Variants in SLC34A2 observed in about 807,000 individuals in gnomAD.
SLC34A2 encodes solute carrier family 34 member 2, also known as sodium-dependent phosphate transport protein 2B.
A neutral mutation model predicts 50.8 loss-of-function variants in SLC34A2; 41 were observed. That is an observed-to-expected ratio of 0.81 (90% confidence interval 0.63 to 1.05). The LOEUF is 1.05. Ranked by LOEUF, SLC34A2 falls within the 50% of genes least tolerant of loss-of-function variation. The pLI is 0.00. For synonymous variants in SLC34A2, 401 were observed against 364.2 expected, an observed-to-expected ratio of 1.10 and a Z score of -1.15; for missense variants, 879 against 876.7, an observed-to-expected ratio of 1.00 and a Z score of -0.03.
At chr4:25,664,757 G>A (rs1263455293) in intron 4 of SLC34A2, 18 of 287,138 alleles carry the variant, frequency 6.3e-5, no homozygotes, top group Middle Eastern at 1.1e-3. Flanking sequence ...GGAGGAATCT[G>A]CATCCATTGT....
chr4:25,678,714 A>C lies in SLC34A2; in HGVS notation c.*1965A>C. On this transcript the variant is annotated 3_prime_UTR_variant, in exon 13 of 13. Coordinates refer to ENST00000382051, the MANE Select transcript of SLC34A2 (RefSeq NM_006424.3). ...TTTTTTTTTTTTTTTTTTACTGGTT[A>C]TGGGAAGGGAGAAATAAAATCATCA... 7.8e-6 allele frequency: 3 copies of C among 384,862 alleles called. No individual in the cohort carries two copies. The highest frequency in any genetic ancestry group is 1.4e-5 in the Non-Finnish European group (3 of 213,554). 23.8% of individuals were successfully genotyped at this position (384,862 alleles called of 1,614,324 possible).
chr4:25,671,226 A>G (rs1305970859), intron 8 of SLC34A2, among the ~76,000 whole-genome samples: 1 of 152,160 alleles, frequency 6.6e-6, no homozygotes, highest in Non-Finnish European at 1.5e-5. Flanking sequence ...TTTCCAGAGT[A>G]TTCCCCCTGC....
Position 25,676,962 on chromosome 4 carries a change from T to G in SLC34A2, c.*213T>G, listed in dbSNP as rs925230663. ...AACCCCTGGTCACTCAGTAATCTTT[T>G]ACTCCAGGAAGGCACAGGATGGTAC... On this transcript the variant is annotated 3_prime_UTR_variant, in exon 13 of 13. Transcript: ENST00000382051. 1.1e-5 allele frequency: 7 copies of G among 623,502 alleles called. No homozygotes were observed. Among genetic ancestry groups the G allele is most frequent in the Non-Finnish European group, 2.0e-5 (7 of 354,540 alleles). 38.6% of individuals were successfully genotyped at this position (623,502 alleles called of 1,614,324 possible). A position where few individuals can be genotyped will look rare whatever the true frequency, so the allele number is the denominator to read the frequency against.
intron 10 of SLC34A2, among the ~76,000 whole-genome samples, chr4:25,673,673 GACT>G (rs1336233023): frequency 6.6e-6 from 1 of 152,190 alleles, no homozygotes; most frequent in Non-Finnish European, 1.5e-5. Flanking sequence ...TGGCCAATGA[GACT>G]GCTGGCTAAG....
At position 25,673,190 on chromosome 4, in the gene SLC34A2, C is replaced by T. The variant is rs1437476426; in HGVS notation, c.1152C>T (p.Val384=). The T allele has an allele frequency of 2.5e-6, 4 of 1,614,136 alleles. No individual in the cohort carries two copies. The Admixed American group carries it at 6.7e-5, about 27-fold the overall frequency. The change falls in exon 10 of 13, where the codon GTC becomes GTT. Residue 384 remains valine (V), a synonymous_variant. Coordinates refer to ENST00000382051, the MANE Select transcript of SLC34A2 (RefSeq NM_006424.3). ...TCTGTGGTTGCCTGATCATGATTGTCAAGATCCTGGGCTCTGTGCTCAAGG... is the reference window on the plus strand; with the variant it reads ...TCTGTGGTTGCCTGATCATGATTGTTAAGATCCTGGGCTCTGTGCTCAAGG... ...LVLCGCLIMI[V]KILGSVLKGQ... is the part of the protein sequence containing the mutation.
At position 25,672,101 on chromosome 4, in the gene SLC34A2, G is replaced by A. The variant is rs12172980; in HGVS notation, c.1048+380G>A. 4.2e-4 allele frequency among the ~76,000 whole-genome samples: 64 copies of A among 152,278 alleles called. No individual in the cohort carries two copies. The East Asian group carries it at 0.011, about 26-fold the overall frequency. ...ATAATCCCAGCACTTTGGGGAGGCC[G>A]AGATGGGCTGGTCACTTGAAGCCAG... On this transcript the variant is annotated intron_variant, in intron 9 of 12. Coordinates refer to ENST00000382051, the MANE Select transcript of SLC34A2 (RefSeq NM_006424.3).
chr4:25,659,839 C>G (rs932615101), intron 1 of SLC34A2, among the ~76,000 whole-genome samples: 1 of 152,112 alleles, frequency 6.6e-6, no homozygotes, highest in Non-Finnish European at 1.5e-5. Flanking sequence ...AAATAATTTT[C>G]TTCTAAAATT....
In SLC34A2 at chr4:25,666,216, G is replaced by C; in HGVS notation, c.468G>C (p.Leu156Phe). ...TGATCGGGGTGCTGGTGACCGTCTT[G>C]GTGCAGAGCTCCAGCACCTCAACGT... is the stretch of plus-strand genomic sequence containing the variant. ...GLVIGVLVTV[L>F]VQSSSTSTSI... Residue 156 changes from leucine (L) to phenylalanine (F), a missense_variant, in exon 5 of 13, where the codon TTG becomes TTC. By Grantham distance (22) the Leu-to-Phe change is conservative. Transcript: ENST00000382051. 1 of 1,614,050 alleles carries C rather than the reference G, an allele frequency of 6.2e-7. No individual in the cohort carries two copies. The highest frequency in any genetic ancestry group is 8.5e-7 in the Non-Finnish European group (1 of 1,180,028).
chr4:25,678,271 A>G lies in SLC34A2; in HGVS notation c.*1522A>G, dbSNP rs1715257209. 1 of 152,450 alleles carries G rather than the reference A, an allele frequency of 6.6e-6. No individual in the cohort carries two copies. The highest frequency in any genetic ancestry group is 1.5e-5 in the Non-Finnish European group (1 of 68,134). 9.4% of individuals were successfully genotyped at this position (152,450 alleles called of 1,614,324 possible). On this transcript the variant is annotated 3_prime_UTR_variant, in exon 13 of 13. Coordinates refer to ENST00000382051, the MANE Select transcript of SLC34A2 (RefSeq NM_006424.3). ...TATCAATTCCCAAACAGAGCCAAATACTCTATATCTATAGTCACAGCCCTG... is the reference window on the plus strand; with the variant it reads ...TATCAATTCCCAAACAGAGCCAAATGCTCTATATCTATAGTCACAGCCCTG...
In SLC34A2 at chr4:25,669,699, G is replaced by T. The variant is rs957622809; in HGVS notation, c.688G>T (p.Val230Leu). The change falls in exon 7 of 13, where the codon GTG (valine) becomes TTG (leucine). Residue 230 changes from valine to leucine, a missense_variant. Physicochemically the swap from Val to Leu is conservative, Grantham distance 32. Transcript: ENST00000382051. ...CTTCTTCAACTGGCTGTCCGTGTTG[G>T]TGCTCTTGCCCGTGGAGGTGGCCAC... ...HDFFNWLSVL[V>L]LLPVEVATHY... 1 of 1,614,130 alleles carries T rather than the reference G, an allele frequency of 6.2e-7. No individual in the cohort carries two copies.
At chr4:25,664,102 A>G in intron 3 of SLC34A2, 100 bp from the exon 4 acceptor site, 3 of 1,129,622 alleles carry the variant, frequency 2.7e-6, no homozygotes. Flanking sequence ...AAGGGAGGGG[A>G]GGTCGGGGGA....
chr4:25,674,375 C>A lies in SLC34A2; in HGVS notation c.1296C>A (p.Ser432Arg), dbSNP rs751360382. The change falls in exon 11 of 13, where the codon AGC becomes AGA. Residue 432 changes from serine to arginine, a missense_variant. Ser to Arg is a moderately radical substitution (Grantham distance 110). Coordinates refer to ENST00000382051, the MANE Select transcript of SLC34A2 (RefSeq NM_006424.3). ...CAGGCATGACCTTCATCGTACAGAG[C>A]AGCTCTGTGTTCACGTCGGCCTTGA... Reference protein sequence around the residue: ...VGAGMTFIVQSSSVFTSALTP... With the variant: ...VGAGMTFIVQRSSVFTSALTP... 3.1e-5 allele frequency: 50 copies of A among 1,614,106 alleles called. No individual in the cohort carries two copies. The highest frequency in any genetic ancestry group is 4.2e-5 in the Non-Finnish European group (49 of 1,180,044).
In SLC34A2 at chr4:25,676,540, T is replaced by C. The variant is rs1715135200; in HGVS notation, c.1864T>C (p.Cys622Arg). 3.1e-6 allele frequency: 5 copies of C among 1,612,706 alleles called. No individual in the cohort carries two copies. Among genetic ancestry groups the C allele is most frequent in the Non-Finnish European group, 4.2e-6 (5 of 1,178,866 alleles). The change falls in exon 13 of 13, where the codon TGC becomes CGC. Residue 622 changes from cysteine (C) to arginine (R), a missense_variant. By Grantham distance (180) the Cys-to-Arg change is radical. Transcript: ENST00000382051. ...CTTCCAGATGCGCTGCTGCTGCTGC[T>C]GCCGCGTGTGCTGCCGCGCGTGCTG... ...GCFQMRCCCC[C>R]RVCCRACCLL...
chr4:25,668,276 T>C (rs1012187054), intron 6 of SLC34A2, among the ~76,000 whole-genome samples: 17 of 152,356 alleles, frequency 1.1e-4, no homozygotes, highest in African/African-American at 3.1e-4. Context: ...ACCCAGCACA[T>C]TGAGTTCACT....
intron 7 of SLC34A2, 90 bp from the exon 8 acceptor site, chr4:25,670,648 T>A: frequency 1.1e-6 from 1 of 951,530 alleles, no homozygotes; most frequent in Non-Finnish European, 1.7e-6. Flanking sequence ...ATTTATCTCC[T>A]TAGAGCCCCT....
At position 25,664,190 on chromosome 4, in the gene SLC34A2, A is replaced by G. The variant is rs1355386712; in HGVS notation, c.251-12A>G. The G allele has an allele frequency of 8.5e-7, 1 of 1,174,304 alleles. No homozygotes were observed. 72.7% of individuals were successfully genotyped at this position (1,174,304 alleles called of 1,614,324 possible). ...GCCTTTCTCTCTCTCCCCCCATCCCACCCCCCTGCAGAGAGAGACACCAAA... is the reference window on the plus strand; with the variant it reads ...GCCTTTCTCTCTCTCCCCCCATCCCGCCCCCCTGCAGAGAGAGACACCAAA... On this transcript the variant is annotated splice_polypyrimidine_tract_variant and intron_variant, in intron 3 of 12. Transcript: ENST00000382051.
chr4:25,664,282 T>A lies in SLC34A2; in HGVS notation c.331T>A (p.Phe111Ile). The A allele has an allele frequency of 6.2e-7, 1 of 1,614,064 alleles. No individual in the cohort carries two copies. The highest frequency in any genetic ancestry group is 2.2e-5 in the East Asian group (1 of 44,874). Residue 111 changes from phenylalanine to isoleucine, a missense_variant, in exon 4 of 13, where the codon TTC (phenylalanine) becomes ATC (isoleucine). Transcript: ENST00000382051. ...LILLLGFLYF[F>I]VCSLDILSSA... ...TTTACTTCTCGGATTTCTCTACTTT[T>A]TCGTGTGCTCCCTGGATATTCTTAG... is the stretch of plus-strand genomic sequence containing the variant.
rs1366257481 is a variant in SLC34A2 at position 25,676,852 on chromosome 4, C to T, written c.*103C>T. ...TTTCACCACCTCGAGGAGATTTGCT[C>T]CCCATTAGCGAATGAAATTGATGCA... On this transcript the variant is annotated 3_prime_UTR_variant, in exon 13 of 13. Transcript: ENST00000382051. The T allele has an allele frequency of 6.6e-7, 1 of 1,513,678 alleles. No individual in the cohort carries two copies. Among genetic ancestry groups the T allele is most frequent in the African/African-American group, 1.4e-5 (1 of 72,768 alleles). 93.8% of individuals were successfully genotyped at this position (1,513,678 alleles called of 1,614,324 possible).
In SLC34A2 at chr4:25,666,341, C is replaced by T. The variant is rs139644852; in HGVS notation, c.523+70C>T. 9.7e-4 allele frequency: 1,516 copies of T among 1,564,196 alleles called. 9 individuals are homozygous for T. Among genetic ancestry groups the T allele is most frequent in the African/African-American group, 8.1e-3 (602 of 74,222 alleles). On this transcript the variant is annotated intron_variant, in intron 5 of 12. Transcript: ENST00000382051. ...CCTGTCTATCTGAGGGTGGGAAGGA[C>T]GGGGGAGGAATTCACTCTGAATATG...
Sources: gnomAD v4.1 joint callset for allele counts (sites outside exome capture counted in the v4.1 genomes callset) on GRCh38, gnomAD v4.1.1 for gene constraint, MANE v1.5 for transcripts, NCBI Gene and HGNC (gene_info 2026-07-23, HGNC 2026-07-21) for gene names.